Variants in CNBD1 observed in about 807,000 individuals in gnomAD.
CNBD1 encodes the protein cyclic nucleotide-binding domain-containing protein 1.
CNBD1 carries 71 observed loss-of-function variants against 54.4 expected under a neutral mutation model. The observed-to-expected ratio is 1.30, with a 90% CI of 1.08 to 1.59. CNBD1 has a LOEUF of 1.59. CNBD1 is among the 40% of genes most tolerant of loss of function. The pLI is 0.00. For missense variants in CNBD1, 659 were observed against 518.0 expected, an observed-to-expected ratio of 1.27 and a Z score of -2.64; for synonymous variants, 182 against 170.7, an observed-to-expected ratio of 1.07 and a Z score of -0.51.
At chr8:87,371,137 A>T (rs201333746) in intron 10 of CNBD1, among the ~76,000 whole-genome samples, 1 of 151,620 alleles carries the variant, frequency 6.6e-6, no homozygotes, top group Non-Finnish European at 1.5e-5. Context: ...GTAGCCTTGT[A>T]GTATAGTTTG....
intron 4 of CNBD1, among the ~76,000 whole-genome samples, chr8:87,083,734 G>A (rs891803429): frequency 2.6e-5 from 4 of 151,648 alleles, no homozygotes; most frequent in Non-Finnish European, 4.4e-5. Context: ...GACTACAGTC[G>A]CCTACCACCA....
chr8:87,211,784 A>G (rs1814105145), intron 5 of CNBD1, among the ~76,000 whole-genome samples: 1 of 152,218 alleles, frequency 6.6e-6, no homozygotes, highest in Non-Finnish European at 1.5e-5. Context: ...TCTTTTCTTT[A>G]TAAATGACCC....
chr8:87,428,041 C>T (rs1276692391), intron 2 of CNBD1, among the ~76,000 whole-genome samples: 1 of 151,552 alleles, frequency 6.6e-6, no homozygotes, highest in Non-Finnish European at 1.5e-5. Context: ...TCTTTTTATT[C>T]TCATACATGC....
At chr8:87,422,626 G>T (rs1227154720) in intron 2 of CNBD1, among the ~76,000 whole-genome samples, 1 of 152,084 alleles carries the variant, frequency 6.6e-6, no homozygotes, top group Non-Finnish European at 1.5e-5. Flanking sequence ...TTGTTCCATT[G>T]ATCTATAGCT....
rs934796190 is a variant in CNBD1 at position 87,351,548 on chromosome 8, T to A, written c.1043-137T>A. Reference sequence around the variant, plus strand: ...CTTTTACATCTTGTATTAAGTACTGTCTATAAACTGGAATCTATTAAGAAA... The same window carrying A: ...CTTTTACATCTTGTATTAAGTACTGACTATAAACTGGAATCTATTAAGAAA... On this transcript the variant is annotated intron_variant, in intron 8 of 10. Coordinates refer to ENST00000518476, the MANE Select transcript of CNBD1 (RefSeq NM_173538.3). 4.0e-6 allele frequency: 3 copies of A among 749,078 alleles called. No individual in the cohort carries two copies. The African/African-American group carries it at 5.5e-5, about 14-fold the overall frequency. 46.4% of individuals were successfully genotyped at this position (749,078 alleles called of 1,614,324 possible). A position where few individuals can be genotyped will look rare whatever the true frequency, so the allele number is the denominator to read the frequency against.
chr8:87,076,295 G>T (rs975816608), intron 4 of CNBD1, among the ~76,000 whole-genome samples: 2 of 152,198 alleles, frequency 1.3e-5, no homozygotes, highest in African/African-American at 4.8e-5. Flanking sequence ...ATATCTGGAT[G>T]ATATGGTAAT....
Position 87,284,722 on chromosome 8 carries a change from G to T in CNBD1, c.816G>T (p.Gln272His), listed in dbSNP as rs1458850986. Residue 272 changes from glutamine (Q) to histidine (H), a missense_variant, in exon 7 of 11, where the codon CAG becomes CAT. Physicochemically the swap from Gln to His is conservative, Grantham distance 24. Transcript: ENST00000518476. ...STFGTLEVMP[Q>H]NESETQMFSV... is the part of the protein sequence containing the mutation. ...TTGGGACTCTGGAAGTTATGCCTCAGAATGAATCGGAAACACAGATGTTCT... is the reference window on the plus strand; with the variant it reads ...TTGGGACTCTGGAAGTTATGCCTCATAATGAATCGGAAACACAGATGTTCT... The T allele has an allele frequency of 2.5e-6, 4 of 1,605,488 alleles. No homozygotes were observed. The East Asian group carries it at 9.0e-5, about 36-fold the overall frequency.
At chr8:87,235,892 G>A (rs907515712) in intron 5 of CNBD1, among the ~76,000 whole-genome samples, 14 of 152,140 alleles carry the variant, frequency 9.2e-5, no homozygotes, top group Middle Eastern at 3.4e-3. Flanking sequence ...CTAGAAGGAG[G>A]TCTAGTTTAA....
At position 86,949,964 on chromosome 8, in the gene CNBD1, T is replaced by TTTG. The variant is rs1563833549; in HGVS notation, c.431+10212_431+10213insGTT. ...ATCAAATGCTTTTTTTTTTTTTTTT[T>TTTG]TTTTTTTTTTGAGATGGAGTCTCGC... On this transcript the variant is annotated intron_variant, in intron 4 of 10. Transcript: ENST00000518476. Among the ~76,000 whole-genome samples the TTTG allele has an allele frequency of 1.1e-4, 14 of 130,478 alleles. 2 individuals are homozygous for TTTG. Among genetic ancestry groups the TTTG allele is most frequent in the Non-Finnish European group, 1.8e-4 (11 of 62,284 alleles). 85.6% of individuals were successfully genotyped at this position (130,478 alleles called of 152,430 possible).
rs183118144 is a variant in CNBD1, at chr8:87,081,353, A to T, written c.432-124640A>T. ...ATTTCTAGTTGAATTCCCTTGAGAT[A>T]AGAGAACATACTTCACATGATGTGT... On this transcript the variant is annotated intron_variant, in intron 4 of 10. Transcript: ENST00000518476. 6.6e-5 allele frequency among the ~76,000 whole-genome samples: 10 copies of T among 152,248 alleles called. 1 individual carries two copies. The highest frequency in any genetic ancestry group is 2.4e-4 in the African/African-American group (10 of 41,546).
At chr8:87,388,812 A>G (rs1811247352) in intron 2 of CNBD1, among the ~76,000 whole-genome samples, 1 of 152,246 alleles carries the variant, frequency 6.6e-6, no homozygotes, top group African/African-American at 2.4e-5. Flanking sequence ...AGACAATTTT[A>G]GACCAATATC....
intron 4 of CNBD1, among the ~76,000 whole-genome samples, chr8:87,167,608 C>T (rs761179876): frequency 6.6e-6 from 1 of 151,778 alleles, no homozygotes; most frequent in Non-Finnish European, 1.5e-5. Flanking sequence ...TTCTGAACCA[C>T]CTGGTGGTCT....
chr8:86,880,124 T>G (rs1808583428), intron 1 of CNBD1, among the ~76,000 whole-genome samples: 1 of 152,110 alleles, frequency 6.6e-6, no homozygotes, highest in South Asian at 2.1e-4. Context: ...GTATTACAGA[T>G]GAGATTCAAA....
chr8:87,134,078 C>T (rs1225950867), intron 4 of CNBD1, among the ~76,000 whole-genome samples: 1 of 152,078 alleles, frequency 6.6e-6, no homozygotes, highest in East Asian at 1.9e-4. Flanking sequence ...TTGGAAAAAG[C>T]ATATTTACTT....
At chr8:87,406,159 A>G (rs150155217) in intron 2 of CNBD1, among the ~76,000 whole-genome samples, 1 of 152,252 alleles carries the variant, frequency 6.6e-6, no homozygotes, top group Non-Finnish European at 1.5e-5. Flanking sequence ...TCATTAATTT[A>G]ATGATCTGTA....
intron 3 of CNBD1, among the ~76,000 whole-genome samples, chr8:86,911,386 T>A (rs1345931768): frequency 1.3e-5 from 2 of 152,208 alleles, no homozygotes; most frequent in Non-Finnish European, 1.5e-5. Flanking sequence ...GAAATGTTAG[T>A]AATTGAGGAA....
At chr8:87,192,429 T>A (rs905536563) in intron 4 of CNBD1, among the ~76,000 whole-genome samples, 1 of 152,136 alleles carries the variant, frequency 6.6e-6, no homozygotes, top group South Asian at 2.1e-4. Context: ...TAATAAAAAT[T>A]TGATTTAATG....
intron 10 of CNBD1, among the ~76,000 whole-genome samples, chr8:87,364,723 T>C (rs1810606085): frequency 6.6e-6 from 1 of 152,016 alleles, no homozygotes; most frequent in African/African-American, 2.4e-5. Flanking sequence ...TAGCTCCCAC[T>C]TACAAGGAAA....
intron 4 of CNBD1, among the ~76,000 whole-genome samples, chr8:86,940,637 T>A (rs1809637869): frequency 6.6e-6 from 1 of 152,104 alleles, no homozygotes; most frequent in Non-Finnish European, 1.5e-5. Context: ...GAAGAAAATC[T>A]TAACCACCTG....
Sources: allele counts gnomAD v4.1 joint callset (sites outside exome capture counted in the v4.1 genomes callset), GRCh38; gene constraint gnomAD v4.1.1; transcripts MANE v1.5; gene names NCBI Gene and HGNC (gene_info 2026-07-23, HGNC 2026-07-21).